The following CCDC169 variants were observed in gnomAD, a reference collection of about 807,000 sequenced individuals.
CCDC169 encodes the protein coiled-coil domain containing 169, also known as coiled-coil domain-containing protein 169.
In CCDC169, 30 loss-of-function variants were observed where a neutral mutation model predicts 36.0. The observed-to-expected ratio is 0.83, with a 90% CI of 0.62 to 1.13. The LOEUF is 1.13. CCDC169 is among the 50% of genes most tolerant of loss of function. The probability of loss-of-function intolerance (pLI) is 0.00; values close to 1 mark genes in which losing one functional copy is unlikely to be tolerated. For missense variants in CCDC169, 245 were observed against 245.9 expected (o/e 1.00, Z 0.03); for synonymous variants, 85 against 81.5 (o/e 1.04, Z -0.23).
At chr13:36,275,631 A>G (rs764792945) in intron 4 of CCDC169, among the ~76,000 whole-genome samples, 4 of 152,192 alleles carry the variant, frequency 2.6e-5, no homozygotes, top group Non-Finnish European at 5.9e-5. Context: ...ACTGGTTATC[A>G]GGCATTAAAA....
chr13:36,285,636 T>C (rs946940207), intron 2 of CCDC169, among the ~76,000 whole-genome samples: 1 of 152,122 alleles, frequency 6.6e-6, no homozygotes, highest in African/African-American at 2.4e-5. Flanking sequence ...GATACATAGA[T>C]ACATAGATAC....
intron 4 of CCDC169, among the ~76,000 whole-genome samples, chr13:36,278,811 T>C (rs953876877): frequency 2.0e-5 from 3 of 152,206 alleles, no homozygotes; most frequent in African/African-American, 7.2e-5. Context: ...TGATCTCTGT[T>C]TTCAGAGAAG....
At chr13:36,284,576 C>T (rs1457475811) in intron 2 of CCDC169, among the ~76,000 whole-genome samples, 1 of 152,210 alleles carries the variant, frequency 6.6e-6, no homozygotes, top group African/African-American at 2.4e-5. Flanking sequence ...TTTTCTTTCA[C>T]TAAACCCTTT....
chr13:36,256,467 G>C (rs184312543), intron 4 of CCDC169, among the ~76,000 whole-genome samples: 132 of 152,248 alleles, frequency 8.7e-4, no homozygotes, highest in African/African-American at 2.7e-3. Context: ...GATCTTGTGA[G>C]AACTCACTAT....
At chr13:36,246,844 G>C (rs1297514780) in intron 7 of CCDC169, among the ~76,000 whole-genome samples, 2 of 152,096 alleles carry the variant, frequency 1.3e-5, no homozygotes. Flanking sequence ...AAAGATTCTG[G>C]AGATACCCCT....
In CCDC169 at chr13:36,231,086, C is replaced by T; in HGVS notation, c.*107G>A. 6.9e-6 allele frequency: 10 copies of T among 1,441,920 alleles called. No homozygotes were observed. The highest frequency in any genetic ancestry group is 2.0e-4 in the Middle Eastern group (1 of 4,918). The allele number at this position is 1,441,920 out of a possible 1,614,324, so 89.3% of individuals were successfully genotyped here. ...GGAACTAAAGAAAAATGTGGCAGTT[C>T]TTATCTATTTTATTCCCTGAAGAAA... is the stretch of plus-strand genomic sequence containing the variant. On this transcript the variant is annotated 3_prime_UTR_variant, in exon 8 of 8. Coordinates refer to ENST00000239859, the MANE Select transcript of CCDC169 (RefSeq NM_001144981.3).
chr13:36,295,515 T>C (rs1000220416), intron 2 of CCDC169, among the ~76,000 whole-genome samples: 2 of 152,204 alleles, frequency 1.3e-5, no homozygotes, highest in African/African-American at 4.8e-5. Flanking sequence ...AAATAATATA[T>C]TGATGTCATG....
chr13:36,251,484 C>T (rs1052670856), intron 6 of CCDC169, among the ~76,000 whole-genome samples: 1 of 152,044 alleles, frequency 6.6e-6, no homozygotes, highest in African/African-American at 2.4e-5. Flanking sequence ...GATTATTTCA[C>T]ATAAGTGAAT....
intron 4 of CCDC169, chr13:36,280,623 CTTTG>C (rs1253381353): frequency 5.3e-5 from 8 of 152,258 alleles, no homozygotes; most frequent in South Asian, 2.1e-4. Context: ...TCCTTTTTCA[CTTTG>C]TTTGTTGGCT....
chr13:36,254,219 C>A (rs1297855285), intron 4 of CCDC169, 76 bp from the exon 5 acceptor site: 2 of 947,394 alleles, frequency 2.1e-6, no homozygotes, highest in Non-Finnish European at 3.0e-6. Context: ...AATTTCTTCA[C>A]TAGTAAATGC....
At chr13:36,256,828 T>C (rs1406711501) in intron 4 of CCDC169, among the ~76,000 whole-genome samples, 2 of 152,304 alleles carry the variant, frequency 1.3e-5, no homozygotes, top group South Asian at 2.1e-4. Context: ...CTCCTGATCA[T>C]AAAGGCCACC....
intron 4 of CCDC169, chr13:36,282,403 C>T: frequency 3.0e-6 from 3 of 985,372 alleles, no homozygotes; most frequent in Non-Finnish European, 3.6e-6. Context: ...ATTGTTGGAT[C>T]CCAATGCTTT....
At chr13:36,251,509 A>G (rs1594024136) in intron 6 of CCDC169, among the ~76,000 whole-genome samples, 1 of 152,110 alleles carries the variant, frequency 6.6e-6, no homozygotes, top group East Asian at 1.9e-4. Flanking sequence ...CATATAAACT[A>G]AGGTAAATGA....
chr13:36,273,997 CCA>C (rs1876444637), intron 4 of CCDC169, among the ~76,000 whole-genome samples: 1 of 152,164 alleles, frequency 6.6e-6, no homozygotes, highest in Non-Finnish European at 1.5e-5. Context: ...AGCATTGCCC[CCA>C]CACACAGTTA....
intron 4 of CCDC169, among the ~76,000 whole-genome samples, chr13:36,264,884 G>A (rs1767342031): frequency 6.6e-6 from 1 of 152,202 alleles, no homozygotes; most frequent in Admixed American, 6.5e-5. Flanking sequence ...TCAGAATGTG[G>A]TCTGTCTTGA....
intron 2 of CCDC169, among the ~76,000 whole-genome samples, chr13:36,294,757 A>T (rs9547130): frequency 0.25 from 38,421 of 151,842 alleles, 5,145 homozygotes; most frequent in East Asian, 0.49. Flanking sequence ...GTTGAGATTG[A>T]TTGAGCAAGC....
At chr13:36,226,850 C>G, downstream of CCDC169, 1 of 329,528 alleles carries the variant, frequency 3.0e-6, no homozygotes, top group Non-Finnish European at 5.5e-6. Context: ...CTACTATGCT[C>G]AGTCCCTGGG....
chr13:36,233,421 A>C (rs980486396), intron 7 of CCDC169, among the ~76,000 whole-genome samples: 2 of 152,126 alleles, frequency 1.3e-5, no homozygotes, highest in African/African-American at 4.8e-5. Flanking sequence ...GAGAAGAGAC[A>C]AGAAAACATG....
downstream of CCDC169, among the ~76,000 whole-genome samples, chr13:36,230,070 T>C (rs1434594540): frequency 1.3e-5 from 2 of 152,224 alleles, no homozygotes; most frequent in East Asian, 3.8e-4. Context: ...TATTTTTGGC[T>C]ACATGAAATT....
Sources: gnomAD v4.1 joint callset for allele counts (sites outside exome capture counted in the v4.1 genomes callset) on GRCh38, gnomAD v4.1.1 for gene constraint, MANE v1.5 for transcripts, NCBI Gene and HGNC (gene_info 2026-07-23, HGNC 2026-07-21) for gene names.